The following NF1 variants were observed in gnomAD, a reference collection of about 807,000 sequenced individuals.
NF1 encodes neurofibromin 1.
In NF1, 122 loss-of-function variants were observed where a neutral mutation model predicts 325.7. The ratio of observed to expected loss-of-function variants is 0.37; its 90% confidence interval spans 0.32 to 0.44. The LOEUF (loss-of-function observed/expected upper bound fraction) is 0.44, where lower values mean the gene tolerates loss of function less well. Among genes scored for constraint, NF1 ranks in the 20% least tolerant of loss-of-function variants. The pLI is 1.00. For missense variants in NF1, 2,140 were observed against 3,415.4 expected, an observed-to-expected ratio of 0.63 and a Z score of 9.31; for synonymous variants, 1,091 against 1,186.0, an observed-to-expected ratio of 0.92 and a Z score of 1.65.
chr17:31,178,209 A>C (rs1458106079), intron 5 of NF1, among the ~76,000 whole-genome samples: 3 of 152,212 alleles, frequency 2.0e-5, no homozygotes, highest in Non-Finnish European at 4.4e-5. Flanking sequence ...GTGGGGGCCA[A>C]TATTCAACAT....
chr17:31,276,703 G>A (rs2068017063), intron 36 of NF1, among the ~76,000 whole-genome samples: 3 of 152,124 alleles, frequency 2.0e-5, no homozygotes, highest in Admixed American at 6.5e-5. Flanking sequence ...CATAATACAT[G>A]ATAAGAATAG....
chr17:31,159,727 A>G (rs1241055400), intron 3 of NF1, among the ~76,000 whole-genome samples: 1 of 152,186 alleles, frequency 6.6e-6, no homozygotes, highest in East Asian at 1.9e-4. Flanking sequence ...TCTATACATC[A>G]TTATCCTTAA....
intron 57 of NF1, among the ~76,000 whole-genome samples, chr17:31,364,029 C>T (rs1021274011): frequency 5.3e-5 from 8 of 152,208 alleles, no homozygotes; most frequent in Non-Finnish European, 8.8e-5. Context: ...GCTTGAGCCA[C>T]GGCGCTCAGC....
chr17:31,166,061 A>G (rs938735075), intron 4 of NF1, among the ~76,000 whole-genome samples: 2 of 152,170 alleles, frequency 1.3e-5, no homozygotes, highest in Non-Finnish European at 2.9e-5. Flanking sequence ...TATAGTATTT[A>G]TGTAGCGGAG....
At chr17:31,192,491 G>A (rs946942164) in intron 8 of NF1, among the ~76,000 whole-genome samples, 4 of 152,200 alleles carry the variant, frequency 2.6e-5, no homozygotes, top group African/African-American at 9.7e-5. Context: ...GGAATGTCCA[G>A]GTTAAGATAA....
chr17:31,139,920 G>A (rs951316949), intron 1 of NF1, among the ~76,000 whole-genome samples: 2 of 152,224 alleles, frequency 1.3e-5, no homozygotes, highest in Non-Finnish European at 2.9e-5. Flanking sequence ...CTGGTTGGTA[G>A]ACTTGGAGAG....
chr17:31,102,685 T>C (rs552395469), intron 1 of NF1, among the ~76,000 whole-genome samples: 2 of 150,948 alleles, frequency 1.3e-5, no homozygotes, highest in East Asian at 3.9e-4. Context: ...CAGTGAGCCA[T>C]GATTGTGCCA....
intron 1 of NF1, among the ~76,000 whole-genome samples, chr17:31,099,465 G>C (rs1440991056): frequency 6.6e-6 from 1 of 151,808 alleles, no homozygotes; most frequent in Non-Finnish European, 1.5e-5. Context: ...AAAGCTGAAT[G>C]TTATCAGTTA....
intron 1 of NF1, among the ~76,000 whole-genome samples, chr17:31,154,431 A>G (rs1188339382): frequency 6.6e-6 from 1 of 152,146 alleles, no homozygotes; most frequent in African/African-American, 2.4e-5. Context: ...CAAGAAACAT[A>G]CTGGAAAAGG....
intron 8 of NF1, among the ~76,000 whole-genome samples, chr17:31,196,991 A>G (rs913418710): frequency 6.6e-6 from 1 of 151,830 alleles, no homozygotes; most frequent in African/African-American, 2.4e-5. Flanking sequence ...CTTTTTCAAG[A>G]TAGTTTTGAC....
intron 1 of NF1, among the ~76,000 whole-genome samples, chr17:31,122,263 G>C (rs1914496849): frequency 6.6e-6 from 1 of 152,168 alleles, no homozygotes; most frequent in South Asian, 2.1e-4. Context: ...AAATTGGAAG[G>C]CTTCAGATGG....
intron 4 of NF1, among the ~76,000 whole-genome samples, chr17:31,165,851 G>A (rs531311731): frequency 1.3e-5 from 2 of 151,886 alleles, no homozygotes; most frequent in South Asian, 4.2e-4. Flanking sequence ...CACCATGCCC[G>A]GCTAGTTTCT....
intron 1 of NF1, among the ~76,000 whole-genome samples, chr17:31,099,612 T>G (rs1199329038): frequency 2.0e-5 from 3 of 147,814 alleles, no homozygotes; most frequent in African/African-American, 2.5e-5. Flanking sequence ...TAGGCTGGAG[T>G]GCAATGGGGA....
chr17:31,320,462 T>G, intron 36 of NF1: 1 of 1,597,394 alleles, frequency 6.3e-7, no homozygotes, highest in East Asian at 2.2e-5. Flanking sequence ...CTTTTGAACA[T>G]CAAGGTTTTA....
At chr17:31,327,860 T>G in intron 38 of NF1, 21 bp downstream of exon 38, 1 of 1,599,662 alleles carries the variant, frequency 6.3e-7, no homozygotes, top group Non-Finnish European at 8.6e-7. Flanking sequence ...TAAAATTCTC[T>G]TCAGTTTGAT....
At chr17:31,107,765 T>C (rs1912997800) in intron 1 of NF1, among the ~76,000 whole-genome samples, 1 of 152,144 alleles carries the variant, frequency 6.6e-6, no homozygotes. Context: ...GCAATGGTGG[T>C]CAGTACTCAG....
chr17:31,209,652 T>C (rs567601633), intron 12 of NF1, among the ~76,000 whole-genome samples: 1 of 152,264 alleles, frequency 6.6e-6, no homozygotes, highest in African/African-American at 2.4e-5. Context: ...TTTTTTTTCT[T>C]CTTGAGACAG....
intron 13 of NF1, among the ~76,000 whole-genome samples, 158 bp from the exon 14 acceptor site, chr17:31,218,847 C>T (rs543273500): frequency 7.4e-4 from 113 of 152,366 alleles, no homozygotes; most frequent in East Asian, 2.5e-3. Flanking sequence ...CCTGGGCTTA[C>T]AGGCGTGAAC....
chr17:31,330,582 G>A (rs2069457651), intron 39 of NF1, 84 bp downstream of exon 39: 2 of 1,069,330 alleles, frequency 1.9e-6, no homozygotes, highest in Admixed American at 2.2e-5. Flanking sequence ...ATTTTCCAGT[G>A]AAGACTTTCA....
Sources: allele counts gnomAD v4.1 joint callset (sites outside exome capture counted in the v4.1 genomes callset), GRCh38; gene constraint gnomAD v4.1.1; transcripts MANE v1.5; gene names NCBI Gene and HGNC (gene_info 2026-07-23, HGNC 2026-07-21).